Variants in NIN observed in about 807,000 individuals in gnomAD.
The protein encoded by NIN is glycogen synthase kinase 3 beta-interacting protein.
A neutral mutation model predicts 257.6 loss-of-function variants in NIN; 137 were observed. The observed-to-expected ratio is 0.53, with a 90% confidence interval of 0.46 to 0.61. The LOEUF (loss-of-function observed/expected upper bound fraction) is 0.61, where lower values mean the gene tolerates loss of function less well. NIN is among the 20% of genes least tolerant of loss of function. The pLI, the probability that NIN is intolerant of heterozygous loss-of-function variation, is 0.00. For synonymous variants in NIN, 918 were observed against 919.8 expected, an observed-to-expected ratio of 1.00 and a Z score of 0.04; for missense variants, 2,439 against 2,501.2, an observed-to-expected ratio of 0.98 and a Z score of 0.53.
intron 22 of NIN, 27 bp downstream of exon 22, chr14:50,747,965 A>AC (rs760123634): frequency 1.4e-6 from 2 of 1,462,026 alleles, no homozygotes; most frequent in South Asian, 1.1e-5. Flanking sequence ...TGTTCTGTGA[A>AC]CCCCCCTTAG....
intron 4 of NIN, among the ~76,000 whole-genome samples, chr14:50,793,899 T>C (rs951343564): frequency 2.6e-5 from 4 of 152,254 alleles, no homozygotes; most frequent in African/African-American, 9.6e-5. Flanking sequence ...GTACAAAAGA[T>C]GACAATGCTT....
chr14:50,749,940 G>A (rs1433849140), intron 21 of NIN, among the ~76,000 whole-genome samples: 2 of 152,108 alleles, frequency 1.3e-5, no homozygotes, highest in Admixed American at 1.3e-4. Context: ...TGATCCACCT[G>A]CCTTGACCTC....
intron 22 of NIN, among the ~76,000 whole-genome samples, chr14:50,745,033 T>C (rs903009644): frequency 2.6e-5 from 4 of 152,240 alleles, no homozygotes; most frequent in African/African-American, 9.6e-5. Flanking sequence ...CCCTGTACTC[T>C]TCCTTTCAGA....
intron 26 of NIN, among the ~76,000 whole-genome samples, chr14:50,738,932 C>T (rs1039967198): frequency 2.0e-5 from 3 of 151,934 alleles, no homozygotes; most frequent in Non-Finnish European, 4.4e-5. Flanking sequence ...AAAGGAGGCA[C>T]CTTTTTCTCT....
rs542235876 is a variant in NIN, at chr14:50,809,200, GACAAGAGCAAA to G, written c.184-2393_184-2383del. On this transcript the variant is annotated intron_variant, in intron 3 of 30. Transcript: ENST00000530997. Reference sequence around the variant, plus strand: ...CAAGCCACTGCACTCCAGCCTGGGTGACAAGAGCAAAACTCCATCTCAAAAGAAAAGAAAAA... The same window carrying G: ...CAAGCCACTGCACTCCAGCCTGGGTGACTCCATCTCAAAAGAAAAGAAAAA... Among the ~76,000 whole-genome samples the G allele has an allele frequency of 2.0e-5, 3 of 152,198 alleles. No individual in the cohort carries two copies. In the South Asian group the frequency reaches 6.2e-4, roughly 32 times the overall value.
At chr14:50,743,158 T>TG (rs1363685912) in intron 24 of NIN, among the ~76,000 whole-genome samples, 3 of 151,468 alleles carry the variant, frequency 2.0e-5, no homozygotes, top group Admixed American at 2.0e-4. Context: ...TTAGTAGAGA[T>TG]GAGGTTTCAC....
intron 24 of NIN, 95 bp from the exon 25 acceptor site, chr14:50,741,823 G>T (rs1265630088): frequency 4.1e-5 from 58 of 1,399,518 alleles, no homozygotes; most frequent in Non-Finnish European, 1.5e-5. Context: ...GAACTTTCAA[G>T]TCTGTTTGTT....
In NIN at chr14:50,729,678, C is replaced by G; in HGVS notation, c.5923G>C (p.Ala1975Pro). 1 of 1,613,322 alleles carries G rather than the reference C, an allele frequency of 6.2e-7. No homozygotes were observed. Among genetic ancestry groups the G allele is most frequent in the Non-Finnish European group, 8.5e-7 (1 of 1,179,714 alleles). Residue 1975 changes from alanine (A) to proline (P), a missense_variant, in exon 29 of 31, where the codon GCT (alanine) becomes CCT (proline). Transcript: ENST00000530997. ...STATPSPSPHAWDLQLLQQQA... is the reference protein window; with the variant it reads ...STATPSPSPHPWDLQLLQQQA... Reference sequence around the variant, plus strand: ...TGCTGGAGCAGCTGCAAATCCCAAGCATGAGGGGACGGGCTAGGCGTCGCA... The same window carrying G: ...TGCTGGAGCAGCTGCAAATCCCAAGGATGAGGGGACGGGCTAGGCGTCGCA...
intron 11 of NIN, 60 bp downstream of exon 11, chr14:50,770,792 G>T (rs2042697817): frequency 2.6e-6 from 4 of 1,555,672 alleles, no homozygotes; most frequent in Non-Finnish European, 3.5e-6. Flanking sequence ...TGCAGCTGCA[G>T]GCGCCACTGC....
chr14:50,793,372 C>T (rs562296400), intron 4 of NIN, among the ~76,000 whole-genome samples: 1 of 151,738 alleles, frequency 6.6e-6, no homozygotes, highest in African/African-American at 2.4e-5. Flanking sequence ...GTTAACCATT[C>T]CACTCTCTGA....
intron 26 of NIN, 72 bp from the exon 27 acceptor site, chr14:50,738,358 G>T: frequency 7.2e-7 from 1 of 1,396,686 alleles, no homozygotes; most frequent in Non-Finnish European, 1.0e-6. Context: ...CAAACATAGG[G>T]AAAGTTTTAA....
At chr14:50,820,684 A>T (rs1595942200) in intron 3 of NIN, among the ~76,000 whole-genome samples, 1 of 152,208 alleles carries the variant, frequency 6.6e-6, no homozygotes, top group African/African-American at 2.4e-5. Flanking sequence ...GACCACATGT[A>T]TGTAGAGACA....
intron 9 of NIN, 95 bp from the exon 10 acceptor site, chr14:50,771,563 G>C: frequency 3.8e-6 from 5 of 1,319,676 alleles, no homozygotes; most frequent in Non-Finnish European, 5.3e-6. Context: ...TCTGAGAGCT[G>C]ACAATGATCT....
At chr14:50,792,457 T>C in intron 5 of NIN, 1 of 460,664 alleles carries the variant, frequency 2.2e-6, no homozygotes, top group South Asian at 3.2e-5. Context: ...GATGTGGAAA[T>C]ACCTGAACTC....
chr14:50,831,458 C>G (rs2045708452), upstream of NIN, among the ~76,000 whole-genome samples: 2 of 152,372 alleles, frequency 1.3e-5, no homozygotes, highest in African/African-American at 4.8e-5. Flanking sequence ...CTACACTCAC[C>G]CGCACCGCGG....
chr14:50,758,440 C>G lies in NIN; in HGVS notation c.2590G>C (p.Glu864Gln), dbSNP rs184108916. The G allele has an allele frequency of 6.2e-7, 1 of 1,614,110 alleles. No homozygotes were observed. The highest frequency in any genetic ancestry group is 8.5e-7 in the Non-Finnish European group (1 of 1,180,004). ...EKSQWEFEKD[E>Q]LTQECAEAQE... ...GCTTCCGCACACTCCTGGGTGAGCTCGTCCTTCTCAAATTCCCACTGGGAT... is the reference window on the plus strand; with the variant it reads ...GCTTCCGCACACTCCTGGGTGAGCTGGTCCTTCTCAAATTCCCACTGGGAT... Residue 864 changes from glutamate to glutamine, a missense_variant, in exon 18 of 31, where the codon GAG (glutamate) becomes CAG (glutamine). By Grantham distance (29) the Glu-to-Gln change is conservative (BLOSUM62 2). Coordinates refer to ENST00000530997, the MANE Select transcript of NIN (RefSeq NM_020921.4).
At chr14:50,779,728 A>G (rs1167826566) in intron 5 of NIN, among the ~76,000 whole-genome samples, 4 of 151,890 alleles carry the variant, frequency 2.6e-5, no homozygotes. Flanking sequence ...ACTGCACTCC[A>G]GCCTGGGCAA....
chr14:50,792,951 A>G, intron 4 of NIN, 70 bp from the exon 5 acceptor site: 1 of 1,514,368 alleles, frequency 6.6e-7, no homozygotes, highest in South Asian at 1.2e-5. Context: ...ACTCACAGCC[A>G]TCGGACACAG....
intron 2 of NIN, among the ~76,000 whole-genome samples, chr14:50,826,695 G>A (rs896775048): frequency 6.6e-6 from 1 of 152,172 alleles, no homozygotes; most frequent in Non-Finnish European, 1.5e-5. Flanking sequence ...GCCAGAGGGA[G>A]TGAAAAAGGG....
Sources: gnomAD v4.1 joint callset for allele counts (sites outside exome capture counted in the v4.1 genomes callset) on GRCh38, gnomAD v4.1.1 for gene constraint, MANE v1.5 for transcripts, NCBI Gene and HGNC (gene_info 2026-07-23, HGNC 2026-07-21) for gene names.